The following AGMO variants were observed in gnomAD, a reference collection of about 807,000 sequenced individuals.
AGMO encodes alkylglycerol monooxygenase.
A neutral mutation model predicts 60.2 loss-of-function variants in AGMO; 75 were observed. The ratio of observed to expected loss-of-function variants is 1.25; its 90% CI spans 1.03 to 1.51. The LOEUF (loss-of-function observed/expected upper bound fraction) is 1.51. AGMO is among the 40% of genes most tolerant of loss of function. The pLI is 0.00. For synonymous variants in AGMO, 261 were observed against 177.1 expected, an observed-to-expected ratio of 1.47 and a Z score of -3.76; for missense variants, 763 against 525.5, an observed-to-expected ratio of 1.45 and a Z score of -4.42.
intron 12 of AGMO, among the ~76,000 whole-genome samples, chr7:15,289,946 T>G (rs1318088229): frequency 6.7e-5 from 9 of 135,032 alleles, no homozygotes; most frequent in Non-Finnish European, 1.1e-4. Flanking sequence ...CAGAAATCTT[T>G]TTTTTTTTTT....
At position 15,393,976 on chromosome 7, in the gene AGMO, G is replaced by A. The variant is rs541624918; in HGVS notation, c.676+137C>T. ...GATGAGGCTTGTACCAAAGAAGATA[G>A]AAAAGAAGAAACTATTATTTATTTG... is the stretch of plus-strand genomic sequence containing the variant. On this transcript the variant is annotated intron_variant, in intron 6 of 12. Coordinates refer to ENST00000342526, the MANE Select transcript of AGMO (RefSeq NM_001004320.2). The A allele has an allele frequency of 1.4e-4, 53 of 374,748 alleles. No individual in the cohort carries two copies. In the East Asian group the frequency reaches 2.6e-3, roughly 18 times the overall value. 23.2% of individuals were successfully genotyped at this position (374,748 alleles called of 1,614,324 possible). A position where few individuals can be genotyped will look rare whatever the true frequency, so the allele number is the denominator to read the frequency against.
At chr7:15,289,282 A>ATT (rs200882530) in intron 12 of AGMO, among the ~76,000 whole-genome samples, 5,433 of 59,348 alleles carry the variant, frequency 0.092, 160 homozygotes, top group South Asian at 0.18. Flanking sequence ...TAGAATGTTA[A>ATT]TTGTTTCTTT....
chr7:15,237,787 G>T (rs192244804), intron 12 of AGMO, among the ~76,000 whole-genome samples: 2 of 152,072 alleles, frequency 1.3e-5, no homozygotes, highest in Admixed American at 1.3e-4. Flanking sequence ...TTGACTGTAG[G>T]CTTCAACCTC....
rs551325460 is a variant in AGMO at position 15,370,386 on chromosome 7, G to C, written c.1075-4164C>G. ...CATGAGTGCATGTGTCTTTTAGAGT[G>C]ATTTATTTTCTTTTGGATATATACC... On this transcript the variant is annotated intron_variant, in intron 10 of 12. Coordinates refer to ENST00000342526, the MANE Select transcript of AGMO (RefSeq NM_001004320.2). Among the ~76,000 whole-genome samples the C allele has an allele frequency of 5.9e-5, 9 of 152,280 alleles. No homozygotes were observed. In the South Asian group the frequency reaches 1.9e-3, roughly 32 times the overall value.
intron 12 of AGMO, among the ~76,000 whole-genome samples, chr7:15,314,100 A>G (rs1361576000): frequency 6.6e-6 from 1 of 152,050 alleles, no homozygotes; most frequent in Non-Finnish European, 1.5e-5. Flanking sequence ...TCAGCAGCAG[A>G]TAATGTTGAT....
intron 3 of AGMO, among the ~76,000 whole-genome samples, chr7:15,491,416 T>C (rs1324614161): frequency 6.6e-6 from 1 of 152,180 alleles, no homozygotes; most frequent in Non-Finnish European, 1.5e-5. Flanking sequence ...TGCCCTCCAT[T>C]AGTTGAGATT....
intron 12 of AGMO, among the ~76,000 whole-genome samples, chr7:15,201,563 TAAG>T (rs1781283479): frequency 6.6e-6 from 1 of 152,118 alleles, no homozygotes; most frequent in East Asian, 1.9e-4. Context: ...GAGCAGGAGT[TAAG>T]AAGTTTTATT....
chr7:15,334,106 T>G (rs1177256369), intron 12 of AGMO, among the ~76,000 whole-genome samples: 1 of 152,060 alleles, frequency 6.6e-6, no homozygotes, highest in Non-Finnish European at 1.5e-5. Context: ...TATTTTCTTA[T>G]TACCTTTGAT....
At chr7:15,361,532 T>A (rs1455807079) in intron 12 of AGMO, among the ~76,000 whole-genome samples, 3 of 27,898 alleles carry the variant, frequency 1.1e-4, no homozygotes, top group African/African-American at 2.6e-4. Flanking sequence ...AGAGCGAGAC[T>A]GTGTCTCAAA....
chr7:15,261,557 G>A (rs879869068), intron 12 of AGMO, among the ~76,000 whole-genome samples: 1 of 151,990 alleles, frequency 6.6e-6, no homozygotes, highest in Non-Finnish European at 1.5e-5. Context: ...CTGAATCACA[G>A]CTGAATTCTA....
chr7:15,559,449 G>C (rs927782530), intron 2 of AGMO, among the ~76,000 whole-genome samples: 6 of 151,980 alleles, frequency 3.9e-5, no homozygotes, highest in African/African-American at 1.5e-4. Flanking sequence ...TGATGTCTAT[G>C]CTTAGACCTA....
chr7:15,176,997 G>T, the AGMO span, among the ~76,000 whole-genome samples: 6 of 152,012 alleles, frequency 3.9e-5, no homozygotes, highest in African/African-American at 1.4e-4. Context: ...ACAACTAGAT[G>T]TCTCATTCTT....
intron 12 of AGMO, among the ~76,000 whole-genome samples, chr7:15,212,705 C>T (rs1178025754): frequency 6.6e-6 from 1 of 151,894 alleles, no homozygotes; most frequent in Non-Finnish European, 1.5e-5. Context: ...AGAGTATTCC[C>T]TGAAGTAACC....
At chr7:15,387,244 T>C (rs1001040729) in intron 9 of AGMO, among the ~76,000 whole-genome samples, 162 bp downstream of exon 9, 1 of 152,236 alleles carries the variant, frequency 6.6e-6, no homozygotes, top group African/African-American at 2.4e-5. Flanking sequence ...TGGCACAAAG[T>C]TGGTGGATAC....
In AGMO at chr7:15,394,139, G is replaced by T; in HGVS notation, c.650C>A (p.Thr217Asn). ...ATGATGAACCCTATGATGGCTAGGA[G>T]TATTAAGAATCAGTTCCAAAGGACC... Reference protein sequence around the residue: ...NLGPLELILNTPSHHRVHHGR... With the variant: ...NLGPLELILNNPSHHRVHHGR... The change falls in exon 6 of 13, where the codon ACT becomes AAT. Residue 217 changes from threonine (T) to asparagine (N), a missense_variant. Coordinates refer to ENST00000342526, the MANE Select transcript of AGMO (RefSeq NM_001004320.2). The T allele has an allele frequency of 6.2e-7, 1 of 1,612,320 alleles. No individual in the cohort carries two copies. Among genetic ancestry groups the T allele is most frequent in the African/African-American group, 1.3e-5 (1 of 74,964 alleles).
chr7:15,175,847 G>C, the AGMO span, among the ~76,000 whole-genome samples: 1 of 151,982 alleles, frequency 6.6e-6, no homozygotes, highest in African/African-American at 2.4e-5. Flanking sequence ...TGAAAATTGA[G>C]AATTCTGTTA....
intron 12 of AGMO, among the ~76,000 whole-genome samples, chr7:15,216,833 A>AGAGTGT (rs1554396206): frequency 6.1e-5 from 9 of 147,024 alleles, no homozygotes; most frequent in Non-Finnish European, 1.2e-4. Context: ...TGAAAGAAAA[A>AGAGTGT]GTGTGTGTGT....
At chr7:15,196,994 G>A (rs1258577048), downstream of AGMO, among the ~76,000 whole-genome samples, 2 of 151,928 alleles carry the variant, frequency 1.3e-5, no homozygotes, top group Non-Finnish European at 2.9e-5. Flanking sequence ...AGAACGGATG[G>A]CAGAACTGGA....
chr7:15,207,016 C>T (rs1383472192), intron 12 of AGMO, among the ~76,000 whole-genome samples: 1 of 152,162 alleles, frequency 6.6e-6, no homozygotes, highest in East Asian at 1.9e-4. Flanking sequence ...TTACTCACTT[C>T]TAAAGGTCTA....
Sources: gnomAD v4.1 joint callset for allele counts (sites outside exome capture counted in the v4.1 genomes callset) on GRCh38, gnomAD v4.1.1 for gene constraint, MANE v1.5 for transcripts, NCBI Gene and HGNC (gene_info 2026-07-23, HGNC 2026-07-21) for gene names.